The following ARIH1 variants were observed in gnomAD, a reference collection of about 807,000 sequenced individuals.
The protein encoded by ARIH1 is E3 ubiquitin-protein ligase ARIH1.
A neutral mutation model predicts 85.0 loss-of-function variants in ARIH1; 8 were observed. That is an observed-to-expected ratio of 0.09 (90% CI 0.06 to 0.17). The LOEUF (loss-of-function observed/expected upper bound fraction) is 0.17. Ranked by LOEUF, ARIH1 falls within the 10% of genes least tolerant of loss-of-function variation. The pLI is 1.00. For missense variants in ARIH1, 311 were observed against 718.1 expected (o/e 0.43, Z 6.48); for synonymous variants, 238 against 253.6 (o/e 0.94, Z 0.59).
intron 1 of ARIH1, among the ~76,000 whole-genome samples, chr15:72,481,532 AAC>A (rs1169452515): frequency 6.6e-6 from 1 of 152,188 alleles, no homozygotes; most frequent in East Asian, 1.9e-4. Flanking sequence ...AATATGGTGA[AAC>A]ACTAGCTGGG....
intron 1 of ARIH1, among the ~76,000 whole-genome samples, chr15:72,501,216 T>C (rs1464943466): frequency 1.3e-5 from 2 of 152,242 alleles, no homozygotes; most frequent in Non-Finnish European, 2.9e-5. Flanking sequence ...TTATGACTTT[T>C]ATTAGCTTTA....
intron 2 of ARIH1, among the ~76,000 whole-genome samples, chr15:72,538,372 A>G (rs572593267): frequency 6.6e-6 from 1 of 152,320 alleles, no homozygotes; most frequent in East Asian, 1.9e-4. Flanking sequence ...CCGCAAATAA[A>G]TAAGTAAATA....
In ARIH1 at chr15:72,563,261, G is replaced by A. The variant is rs77660028; in HGVS notation, c.805-133G>A. ...TAAGGTAGAGACAAGGTCTTGCTATGTTGCCCGGGCTGGTCTGGAGTGCTT... is the reference window on the plus strand; with the variant it reads ...TAAGGTAGAGACAAGGTCTTGCTATATTGCCCGGGCTGGTCTGGAGTGCTT... On this transcript the variant is annotated intron_variant, in intron 6 of 13. Coordinates refer to ENST00000379887, the MANE Select transcript of ARIH1 (RefSeq NM_005744.5). The A allele has an allele frequency of 3.9e-4, 257 of 659,886 alleles. 2 individuals are homozygous for A. The East Asian group carries it at 7.0e-3, about 18-fold the overall frequency. The allele number at this position is 659,886 out of a possible 1,614,324, so 40.9% of individuals were successfully genotyped here.
intron 11 of ARIH1, 70 bp downstream of exon 11, chr15:72,572,235 TA>T (rs1440593715): frequency 1.8e-5 from 19 of 1,050,834 alleles, no homozygotes; most frequent in African/African-American, 6.2e-5. Context: ...CATTAGAGAA[TA>T]ATTTTTTTTT....
intron 7 of ARIH1, among the ~76,000 whole-genome samples, chr15:72,563,882 G>A (rs766307097): frequency 1.3e-5 from 2 of 152,060 alleles, no homozygotes; most frequent in Non-Finnish European, 2.9e-5. Context: ...TTCTGCTGAT[G>A]GTCTCCTTTT....
intron 12 of ARIH1, 103 bp from the exon 13 acceptor site, chr15:72,581,972 A>G: frequency 1.4e-6 from 1 of 697,410 alleles, no homozygotes; most frequent in Non-Finnish European, 2.5e-6. Context: ...TATGAAAGTT[A>G]CAGAATGAGT....
intron 2 of ARIH1, among the ~76,000 whole-genome samples, chr15:72,541,334 A>G (rs2064106569): frequency 6.6e-6 from 1 of 152,214 alleles, no homozygotes; most frequent in Non-Finnish European, 1.5e-5. Context: ...ATACCTGAGA[A>G]TAAAGTTACT....
chr15:72,490,616 G>T (rs930886589), intron 1 of ARIH1, among the ~76,000 whole-genome samples: 3 of 152,014 alleles, frequency 2.0e-5, no homozygotes, highest in African/African-American at 7.3e-5. Context: ...AAAAGTTGGG[G>T]ACCACTGTAC....
intron 3 of ARIH1, among the ~76,000 whole-genome samples, chr15:72,545,696 G>A (rs929989472): frequency 2.6e-5 from 4 of 152,212 alleles, no homozygotes; most frequent in Non-Finnish European, 1.5e-5. Context: ...TGGCATGATG[G>A]TGCATGTCTA....
At chr15:72,574,332 T>C (rs2064260657) in intron 11 of ARIH1, among the ~76,000 whole-genome samples, 1 of 152,196 alleles carries the variant, frequency 6.6e-6, no homozygotes, top group South Asian at 2.1e-4. Flanking sequence ...CATTGGTTGT[T>C]TGGTTGATTG....
chr15:72,508,023 A>C (rs2063933752), intron 1 of ARIH1, among the ~76,000 whole-genome samples: 1 of 152,226 alleles, frequency 6.6e-6, no homozygotes, highest in Non-Finnish European at 1.5e-5. Flanking sequence ...CCTTCAGATA[A>C]AAATGTTGGA....
intron 1 of ARIH1, among the ~76,000 whole-genome samples, chr15:72,481,664 T>A (rs1488675928): frequency 6.6e-6 from 1 of 151,986 alleles, no homozygotes; most frequent in Non-Finnish European, 1.5e-5. Flanking sequence ...CTAGCCTGGG[T>A]GACAGAGGGA....
At chr15:72,533,161 C>G (rs566127027) in intron 2 of ARIH1, among the ~76,000 whole-genome samples, 18 of 152,304 alleles carry the variant, frequency 1.2e-4, no homozygotes, top group African/African-American at 3.8e-4. Flanking sequence ...TGGGGTCTTG[C>G]TCTGTCTCCC....
intron 2 of ARIH1, among the ~76,000 whole-genome samples, chr15:72,534,016 T>C: frequency 6.6e-6 from 1 of 152,162 alleles, no homozygotes; most frequent in Non-Finnish European, 1.5e-5. Context: ...ATAATTATGG[T>C]ATATTGACAT....
At chr15:72,500,957 C>A (rs959939944) in intron 1 of ARIH1, among the ~76,000 whole-genome samples, 1 of 152,094 alleles carries the variant, frequency 6.6e-6, no homozygotes, top group Non-Finnish European at 1.5e-5. Context: ...TTTAATGATA[C>A]CTTCATTCTT....
chr15:72,555,385 T>C, intron 4 of ARIH1, 22 bp downstream of exon 4: 1 of 1,575,332 alleles, frequency 6.3e-7, no homozygotes, highest in Non-Finnish European at 8.7e-7. Flanking sequence ...AAGTTGTTTT[T>C]CAGTTTTTGT....
At chr15:72,485,281 G>T (rs1233599051) in intron 1 of ARIH1, among the ~76,000 whole-genome samples, 1 of 152,078 alleles carries the variant, frequency 6.6e-6, no homozygotes, top group Admixed American at 6.6e-5. Context: ...TTTCTTACCT[G>T]GGGATTTTAA....
chr15:72,515,378 T>C (rs1362283641), intron 1 of ARIH1, among the ~76,000 whole-genome samples: 3 of 152,116 alleles, frequency 2.0e-5, no homozygotes, highest in African/African-American at 7.2e-5. Context: ...AAATAACTGC[T>C]TTAAAAGTCT....
rs1310729980 is a variant in ARIH1, at chr15:72,587,492, T to A, written c.*4200T>A. 7.9e-5 allele frequency: 21 copies of A among 265,314 alleles called. 1 individual carries two copies. The Admixed American group carries it at 1.1e-3, about 14-fold the overall frequency. 16.4% of individuals were successfully genotyped at this position (265,314 alleles called of 1,614,324 possible). ...AGTAATTTGCAGTTGTTGGTTTAGTTATTCAAATGAATTTCCATTGTAAAG... is the reference window on the plus strand; with the variant it reads ...AGTAATTTGCAGTTGTTGGTTTAGTAATTCAAATGAATTTCCATTGTAAAG... On this transcript the variant is annotated 3_prime_UTR_variant, in exon 14 of 14. Coordinates refer to ENST00000379887, the MANE Select transcript of ARIH1 (RefSeq NM_005744.5).
Sources: allele counts gnomAD v4.1 joint callset (sites outside exome capture counted in the v4.1 genomes callset), GRCh38; gene constraint gnomAD v4.1.1; transcripts MANE v1.5; gene names NCBI Gene and HGNC (gene_info 2026-07-23, HGNC 2026-07-21).